Variants in KIF26A observed in about 807,000 individuals in gnomAD.
KIF26A encodes kinesin-like protein KIF26A.
KIF26A carries 74 observed loss-of-function variants against 126.0 expected under a neutral mutation model. The ratio of observed to expected loss-of-function variants is 0.59; its 90% CI spans 0.49 to 0.71. The LOEUF (loss-of-function observed/expected upper bound fraction) is 0.71. Among genes scored for constraint, KIF26A ranks in the 30% least tolerant of loss-of-function variants. The pLI, the probability that KIF26A is intolerant of heterozygous loss-of-function variation, is 0.00. For synonymous variants in KIF26A, 1,445 were observed against 1,232.7 expected (o/e 1.17, Z -3.61); for missense variants, 2,984 against 2,763.3 (o/e 1.08, Z -1.79).
chr14:104,155,183 C>T (rs974221347), intron 3 of KIF26A, among the ~76,000 whole-genome samples: 7 of 152,200 alleles, frequency 4.6e-5, no homozygotes, highest in African/African-American at 1.2e-4. Context: ...CTTTCTCCCC[C>T]ACTTCTCAGC....
At chr14:104,168,344 C>T (rs111400114) in intron 5 of KIF26A, among the ~76,000 whole-genome samples, 51 of 152,326 alleles carry the variant, frequency 3.3e-4, no homozygotes, top group Admixed American at 6.5e-4. Flanking sequence ...GCCCCTGGAA[C>T]GCTAATTTCG....
intron 4 of KIF26A, among the ~76,000 whole-genome samples, chr14:104,160,463 A>G (rs1183627466): frequency 6.6e-6 from 1 of 152,086 alleles, no homozygotes; most frequent in Non-Finnish European, 1.5e-5. Context: ...GTTAATGCTA[A>G]CAGGGGCATA....
Position 104,175,811 on chromosome 14 carries a change from G to C in KIF26A, c.3023G>C (p.Cys1008Ser), listed in dbSNP as rs1351926330. ...TCPRLAAGSR[C>S]PERGLLTTTV... ...CCCCGCCTGGCTGCTGGCAGTCGCT[G>C]TCCGGAGCGGGGCCTGCTCACCACC... Residue 1008 changes from cysteine (C) to serine (S), a missense_variant, in exon 12 of 15, where the codon TGT becomes TCT. Coordinates refer to ENST00000423312, the MANE Select transcript of KIF26A (RefSeq NM_015656.2). The C allele has an allele frequency of 6.5e-6, 10 of 1,539,086 alleles. No individual in the cohort carries two copies. The highest frequency in any genetic ancestry group is 7.8e-6 in the Non-Finnish European group (9 of 1,146,984).
intron 7 of KIF26A, 69 bp downstream of exon 7, chr14:104,172,737 G>T: frequency 7.9e-7 from 1 of 1,273,714 alleles, no homozygotes; most frequent in Non-Finnish European, 1.1e-6. Context: ...CACGGTGGTT[G>T]CTGGCAGCTT....
Position 104,174,259 on chromosome 14 carries a change from C to T in KIF26A, c.2142C>T (p.Ser714=). The change falls in exon 11 of 15, where the codon AGC becomes AGT. Residue 714 remains serine, a synonymous_variant. Coordinates refer to ENST00000423312, the MANE Select transcript of KIF26A (RefSeq NM_015656.2). ...CAGCCCAGCACGCAGAGACACTCAG[C>T]ACCGTGCAGCTCGCCGCCCGCATCC... ...DAPAQHAETL[S]TVQLAARIHR... The T allele has an allele frequency of 7.0e-6, 11 of 1,572,532 alleles. No homozygotes were observed. The highest frequency in any genetic ancestry group is 9.5e-6 in the Non-Finnish European group (11 of 1,160,454).
rs752648764 is a variant in KIF26A, at chr14:104,152,216, C to T, written c.490C>T (p.Pro164Ser). 3 of 1,601,794 alleles carry T rather than the reference C, an allele frequency of 1.9e-6. No individual in the cohort carries two copies. Among genetic ancestry groups the T allele is most frequent in the Non-Finnish European group, 2.6e-6 (3 of 1,175,928 alleles). The change falls in exon 3 of 15, where the codon CCC becomes TCC. Residue 164 changes from proline (P) to serine (S), a missense_variant. Physicochemically the swap from Pro to Ser is moderately conservative, Grantham distance 74. Coordinates refer to ENST00000423312, the MANE Select transcript of KIF26A (RefSeq NM_015656.2). This position sits in a 1 kb window ranked among gnomAD's most constrained non-coding sequence, Gnocchi z 5.9. Reference protein sequence around the residue: ...APHGGPSLAPPSTTTSSRDTP... With the variant: ...APHGGPSLAPSSTTTSSRDTP... The stretch of plus-strand genomic sequence containing the variant: ...CCATGGAGGCCCCAGCCTCGCACCC[C>T]CCAGCACCACGACCAGCTCGAGGGA...
Position 104,176,859 on chromosome 14 carries a change from T to A in KIF26A, c.4071T>A (p.Ser1357Arg), listed in dbSNP as rs2141119690. ...APKAGFLPRP[S>R]GAAPPAPPTR... Reference sequence around the variant, plus strand: ...AGGCGGGCTTCCTCCCGAGGCCCAGTGGGGCGGCCCCCCCGGCCCCACCCA... The same window carrying A: ...AGGCGGGCTTCCTCCCGAGGCCCAGAGGGGCGGCCCCCCCGGCCCCACCCA... Residue 1357 changes from serine to arginine, a missense_variant, in exon 12 of 15, where the codon AGT (serine) becomes AGA (arginine). Physicochemically the swap from Ser to Arg is moderately radical, Grantham distance 110. Transcript: ENST00000423312. 1.3e-6 allele frequency: 2 copies of A among 1,543,952 alleles called. No homozygotes were observed. Among genetic ancestry groups the A allele is most frequent in the Non-Finnish European group, 1.7e-6 (2 of 1,145,278 alleles).
At chr14:104,158,435 A>G (rs562274161) in intron 4 of KIF26A, among the ~76,000 whole-genome samples, 1 of 152,310 alleles carries the variant, frequency 6.6e-6, no homozygotes, top group Non-Finnish European at 1.5e-5. Flanking sequence ...CGGAGAGGAC[A>G]AGGCTGGCCT....
At chr14:104,174,631 G>A (rs570851297) in intron 11 of KIF26A, among the ~76,000 whole-genome samples, 1 of 152,060 alleles carries the variant, frequency 6.6e-6, no homozygotes, top group South Asian at 2.1e-4. Context: ...GGGCTTCCTA[G>A]GGACCCCTCT....
At chr14:104,172,924 T>C (rs2037974284) in intron 7 of KIF26A, 53 bp from the exon 8 acceptor site, 3 of 1,508,500 alleles carry the variant, frequency 2.0e-6, no homozygotes, top group Admixed American at 2.1e-5. Context: ...CCAGTAGCCA[T>C]AAAGGCTCCT....
At chr14:104,171,038 C>T (rs2037951665) in intron 5 of KIF26A, among the ~76,000 whole-genome samples, 1 of 152,266 alleles carries the variant, frequency 6.6e-6, no homozygotes, top group African/African-American at 2.4e-5. Flanking sequence ...TCAGTCTCCC[C>T]AAGCCTGCAG....
rs2254205 is a variant in KIF26A, at chr14:104,174,144, G to T, written c.2031-4G>T. 2.6e-6 allele frequency: 4 copies of T among 1,557,154 alleles called. No individual in the cohort carries two copies. Among genetic ancestry groups the T allele is most frequent in the Non-Finnish European group, 3.5e-6 (4 of 1,148,244 alleles). On this transcript the variant is annotated splice_region_variant and splice_polypyrimidine_tract_variant and intron_variant, in intron 10 of 14. Transcript: ENST00000423312. Reference sequence around the variant, plus strand: ...CTTGGCATCTGAACCGCCTCGACCCGCAGGGACCACAGGCTCACCATGCTG... The same window carrying T: ...CTTGGCATCTGAACCGCCTCGACCCTCAGGGACCACAGGCTCACCATGCTG...
intron 12 of KIF26A, 142 bp downstream of exon 12, chr14:104,178,040 C>G: frequency 1.0e-6 from 1 of 991,730 alleles, no homozygotes; most frequent in Non-Finnish European, 1.4e-6. Context: ...CAGCCGTGGA[C>G]GGTTTACAGA....
Position 104,172,683 on chromosome 14 carries a change from C to T in KIF26A, c.1420+15C>T, listed in dbSNP as rs757914246. 2.4e-5 allele frequency: 39 copies of T among 1,596,000 alleles called. No individual in the cohort carries two copies. Among genetic ancestry groups the T allele is most frequent in the Non-Finnish European group, 3.3e-5 (38 of 1,165,628 alleles). On this transcript the variant is annotated intron_variant, in intron 7 of 14. Coordinates refer to ENST00000423312, the MANE Select transcript of KIF26A (RefSeq NM_015656.2). ...CATGAGCCTGGGTAAGCACCCTTGC[C>T]CCACCCTAGATGGGTCCTGCTGGCC...
intron 4 of KIF26A, among the ~76,000 whole-genome samples, chr14:104,160,682 C>G (rs1382851614): frequency 1.3e-5 from 2 of 152,198 alleles, no homozygotes; most frequent in Non-Finnish European, 2.9e-5. Flanking sequence ...CCTGAAGGTT[C>G]TGGCAACTCT....
At chr14:104,142,211 A>G (rs1412759613) in intron 2 of KIF26A, among the ~76,000 whole-genome samples, 3 of 151,942 alleles carry the variant, frequency 2.0e-5, no homozygotes, top group Non-Finnish European at 2.9e-5. Flanking sequence ...GGAGGGGGAC[A>G]TTGTCTTCCT....
chr14:104,144,333 G>A (rs1455996525), intron 2 of KIF26A, among the ~76,000 whole-genome samples: 2 of 152,174 alleles, frequency 1.3e-5, no homozygotes, highest in South Asian at 2.1e-4. Context: ...TGCTCTGGGG[G>A]AGTCTGGCCG....
Position 104,173,741 on chromosome 14 carries a change from C to T in KIF26A, c.1903C>T (p.Leu635=). 1 of 1,611,162 alleles carries T rather than the reference C, an allele frequency of 6.2e-7. No homozygotes were observed. Among genetic ancestry groups the T allele is most frequent in the Non-Finnish European group, 8.5e-7 (1 of 1,179,510 alleles). ...CCGCAGCCGCCTGCACCTCATCGAC[C>T]TGGGCAGCTGTGAGGCGGCGGCTGG... ...GGRSRLHLID[L]GSCEAAAGRA... The change falls in exon 10 of 15, where the codon CTG becomes TTG. Residue 635 remains leucine (L), a synonymous_variant. Transcript: ENST00000423312.
rs1269496049 is a variant in KIF26A, at chr14:104,165,705, CTG to C, written c.924-1151_924-1150del. ...TATGTGTGACTGTGTGTCTCTGTCT[CTG>C]TGCATATGTGTGTCTGTGTGTTTCT... On this transcript the variant is annotated intron_variant, in intron 4 of 14. Coordinates refer to ENST00000423312, the MANE Select transcript of KIF26A (RefSeq NM_015656.2). 4.3e-5 allele frequency among the ~76,000 whole-genome samples: 6 copies of C among 139,442 alleles called. No individual in the cohort carries two copies. In the South Asian group the frequency reaches 8.5e-4, roughly 20 times the overall value. 91.5% of individuals were successfully genotyped at this position (139,442 alleles called of 152,430 possible). A position where few individuals can be genotyped will look rare whatever the true frequency, so the allele number is the denominator to read the frequency against.
Sources: allele counts gnomAD v4.1 joint callset (sites outside exome capture counted in the v4.1 genomes callset), GRCh38; gene constraint gnomAD v4.1.1; non-coding constraint Gnocchi (gnomAD v3.1); transcripts MANE v1.5; gene names NCBI Gene and HGNC (gene_info 2026-07-23, HGNC 2026-07-21).